Variants in OTOA observed in about 807,000 individuals in gnomAD.
The protein encoded by OTOA is otoancorin, also known as cancer/testis antigen 108.
OTOA carries 70 observed loss-of-function variants against 110.8 expected under a neutral mutation model. The ratio of observed to expected loss-of-function variants is 0.63; its 90% confidence interval spans 0.52 to 0.77. The LOEUF is 0.77. OTOA is among the 30% of genes least tolerant of loss of function. OTOA has a pLI of 0.00. For synonymous variants in OTOA, 373 were observed against 431.5 expected (o/e 0.86, Z 1.68); for missense variants, 917 against 1,075.8 (o/e 0.85, Z 2.06).
At chr16:21,707,640 T>TCTTC (rs1668823789) in intron 12 of OTOA, among the ~76,000 whole-genome samples, 1 of 119,474 alleles carries the variant, frequency 8.4e-6, no homozygotes, top group Non-Finnish European at 2.0e-5. Context: ...TTTCTTTCTT[T>TCTTC]CTTTCTTTCT....
chr16:21,733,984 G>C (rs915849969), intron 21 of OTOA, among the ~76,000 whole-genome samples: 1 of 152,062 alleles, frequency 6.6e-6, no homozygotes, highest in Non-Finnish European at 1.5e-5. Context: ...ATTTTTTGTA[G>C]AAACGGGGTT....
intron 13 of OTOA, among the ~76,000 whole-genome samples, chr16:21,710,933 G>A (rs1045484143): frequency 1.3e-5 from 2 of 152,192 alleles, no homozygotes; most frequent in African/African-American, 4.8e-5. Flanking sequence ...AACCTGGGAG[G>A]CAGAGGTTGC....
chr16:21,736,467 G>T (rs1413190829), intron 22 of OTOA, 77 bp downstream of exon 22: 9 of 1,511,456 alleles, frequency 6.0e-6, no homozygotes, highest in Non-Finnish European at 7.4e-6. Context: ...ACATCAAGAG[G>T]CCTCCTTATG....
At chr16:21,669,294 G>A (rs779433767) in intron 1 of OTOA, among the ~76,000 whole-genome samples, 1 of 152,068 alleles carries the variant, frequency 6.6e-6, no homozygotes, top group Non-Finnish European at 1.5e-5. Context: ...AGTGAGCTGA[G>A]ATCGTGCCAC....
At chr16:21,671,086 GT>G (rs969567721) in intron 1 of OTOA, among the ~76,000 whole-genome samples, 88 of 152,178 alleles carry the variant, frequency 5.8e-4, no homozygotes, top group African/African-American at 2.1e-3. Context: ...TTGAGATGGT[GT>G]TTTTCAAAAC....
At chr16:21,714,197 TTCTTTCTTTC>T (rs962908081) in intron 13 of OTOA, among the ~76,000 whole-genome samples, 12 of 152,084 alleles carry the variant, frequency 7.9e-5, no homozygotes, top group East Asian at 1.9e-4. Flanking sequence ...TATAATTTCT[TTCTTTCTTTC>T]TCTTTCTTTC....
chr16:21,701,116 G>A lies in OTOA; in HGVS notation c.980+89G>A, dbSNP rs770802333. The A allele has an allele frequency of 1.4e-5, 22 of 1,585,274 alleles. 1 individual carries two copies. The highest frequency in any genetic ancestry group is 1.7e-5 in the Non-Finnish European group (20 of 1,159,924). On this transcript the variant is annotated intron_variant, in intron 11 of 28. Coordinates refer to ENST00000646100, the MANE Select transcript of OTOA (RefSeq NM_144672.4). ...TCTGAGCAGCAAAACACCCAGGGAGGGAAGGGAGGTGGCTGGTCCATCTCT... is the reference window on the plus strand; with the variant it reads ...TCTGAGCAGCAAAACACCCAGGGAGAGAAGGGAGGTGGCTGGTCCATCTCT...
At chr16:21,691,772 G>T in intron 9 of OTOA, 85 bp downstream of exon 9, 1 of 1,261,608 alleles carries the variant, frequency 7.9e-7, no homozygotes, top group African/African-American at 1.5e-5. Flanking sequence ...ACATGGATTT[G>T]ATGTTGTTCT....
At chr16:21,757,654 T>G (rs1007697022) in intron 28 of OTOA, among the ~76,000 whole-genome samples, 3 of 152,066 alleles carry the variant, frequency 2.0e-5, no homozygotes, top group Non-Finnish European at 2.9e-5. Context: ...AGTCTCGCCC[T>G]GTCGCCCAGG....
chr16:21,685,873 T>C (rs1897702735), intron 7 of OTOA, among the ~76,000 whole-genome samples: 1 of 152,116 alleles, frequency 6.6e-6, no homozygotes, highest in South Asian at 2.1e-4. Flanking sequence ...TTTTTGTCAG[T>C]ACTAAGAAAT....
At chr16:21,712,578 C>T (rs965138881) in intron 13 of OTOA, among the ~76,000 whole-genome samples, 2 of 151,174 alleles carry the variant, frequency 1.3e-5, no homozygotes, top group South Asian at 2.1e-4. Flanking sequence ...CGATGGCTCA[C>T]GCCTGTAATC....
intron 17 of OTOA, among the ~76,000 whole-genome samples, chr16:21,722,273 A>AAC (rs1567390692): frequency 6.8e-6 from 1 of 147,758 alleles, no homozygotes; most frequent in East Asian, 2.0e-4. Context: ...AAAAAAACAA[A>AAC]AAAAAAAAAC....
At chr16:21,682,963 A>G (rs1442771250) in intron 6 of OTOA, among the ~76,000 whole-genome samples, 1 of 152,254 alleles carries the variant, frequency 6.6e-6, no homozygotes, top group Non-Finnish European at 1.5e-5. Context: ...GGAAACTGAA[A>G]GAGAAGCAAT....
At chr16:21,694,289 A>T (rs111837922) in intron 9 of OTOA, among the ~76,000 whole-genome samples, 45 of 152,120 alleles carry the variant, frequency 3.0e-4, no homozygotes, top group East Asian at 3.9e-4. Flanking sequence ...AAAATTTTTT[A>T]AAAAATAGCC....
chr16:21,714,998 A>G lies in OTOA; in HGVS notation c.1334A>G (p.Tyr445Cys). ...YLAHEKVLSF[Y>C]NVSQMGALLA... is the part of the protein sequence containing the mutation. ...CTCCTCTTCCAGGTGCTGTCTTTCT[A>G]CAATGTCAGCCAGATGGGCGCACTG... is the stretch of plus-strand genomic sequence containing the variant. Residue 445 changes from tyrosine to cysteine, a missense_variant, in exon 14 of 29, where the codon TAC becomes TGC. Tyr to Cys is a radical substitution (Grantham distance 194). Around this residue, in one of 6 missense-constraint regions of OTOA, gnomAD observed 840 missense variants for 910.2 expected, o/e 0.92. Transcript: ENST00000646100. 1 of 1,614,152 alleles carries G rather than the reference A, an allele frequency of 6.2e-7. No homozygotes were observed. Among genetic ancestry groups the G allele is most frequent in the Non-Finnish European group, 8.5e-7 (1 of 1,179,990 alleles).
At chr16:21,664,921 G>A (rs947784894) in intron 1 of OTOA, among the ~76,000 whole-genome samples, 11 of 151,934 alleles carry the variant, frequency 7.2e-5, no homozygotes, top group Admixed American at 4.6e-4. Flanking sequence ...GCAGTGAGCC[G>A]AGATCAGGCC....
At chr16:21,665,274 G>T (rs2141641763) in intron 1 of OTOA, among the ~76,000 whole-genome samples, 1 of 152,272 alleles carries the variant, frequency 6.6e-6, no homozygotes, top group South Asian at 2.1e-4. Context: ...TTTGCCACCT[G>T]GCTGTGCATG....
intron 17 of OTOA, chr16:21,721,384 CA>C (rs758350875): frequency 2.2e-6 from 1 of 455,244 alleles, no homozygotes; most frequent in South Asian, 1.5e-5. Context: ...GCCATGTCTG[CA>C]AACATTTTTG....
chr16:21,675,263 C>T (rs542395921), intron 1 of OTOA, among the ~76,000 whole-genome samples: 1 of 145,368 alleles, frequency 6.9e-6, no homozygotes, highest in South Asian at 2.2e-4. Flanking sequence ...GATTTTTGTG[C>T]CCAGCCTCCT....
Sources: allele counts gnomAD v4.1 joint callset (sites outside exome capture counted in the v4.1 genomes callset), GRCh38; gene constraint gnomAD v4.1.1; regional missense constraint gnomAD v4.1.1; transcripts MANE v1.5; gene names NCBI Gene and HGNC (gene_info 2026-07-23, HGNC 2026-07-21).